Variants in NRK observed in about 807,000 individuals in gnomAD.
NRK encodes the protein Nik related kinase.
NRK carries 67 observed loss-of-function variants against 125.2 expected under a neutral mutation model. The ratio of observed to expected loss-of-function variants is 0.54; its 90% CI spans 0.44 to 0.66. The LOEUF (loss-of-function observed/expected upper bound fraction) is 0.66. Among genes scored for constraint, NRK ranks in the 30% least tolerant of loss-of-function variants. The pLI is 0.00. For synonymous variants in NRK, 458 were observed against 429.0 expected, an observed-to-expected ratio of 1.07 and a Z score of -0.84; for missense variants, 1,224 against 1,192.9, an observed-to-expected ratio of 1.03 and a Z score of -0.38.
chrX:105,871,113 T>C (rs1017008479), intron 2 of NRK, among the ~76,000 whole-genome samples: 4 of 111,356 alleles, frequency 3.6e-5, no homozygotes, highest in African/African-American at 1.3e-4. Context: ...TAGCCACAGG[T>C]TAGGGGAAGC....
At position 105,875,567 on chromosome X, in the gene NRK, C is replaced by A. The variant is rs1265948748; in HGVS notation, c.124-4632C>A. On this transcript the variant is annotated intron_variant, in intron 2 of 28. Transcript: ENST00000243300. Reference sequence around the variant, plus strand: ...CAGGACTTAATAAATAATTTTTATACCTTGTTGTAGGTTGTGGAGTACCCG... The same window carrying A: ...CAGGACTTAATAAATAATTTTTATAACTTGTTGTAGGTTGTGGAGTACCCG... 1.8e-5 allele frequency among the ~76,000 whole-genome samples: 2 copies of A among 110,872 alleles called. 1 individual carries two copies. Among genetic ancestry groups the A allele is most frequent in the Non-Finnish European group, 3.8e-5 (2 of 52,772 alleles).
intron 1 of NRK, among the ~76,000 whole-genome samples, chrX:105,829,815 G>A (rs1460793796): frequency 9.0e-6 from 1 of 111,357 alleles, no homozygotes; most frequent in Non-Finnish European, 1.9e-5. Context: ...TTAAAATGAT[G>A]CTCTTTTAAT....
intron 14 of NRK, among the ~76,000 whole-genome samples, chrX:105,914,962 A>G (rs2040347012): frequency 9.4e-6 from 1 of 106,480 alleles, no homozygotes; most frequent in Non-Finnish European, 1.9e-5. Flanking sequence ...TAGTGAGGCA[A>G]GGCAACATTC....
At chrX:105,916,594 A>C (rs1368664312) in intron 15 of NRK, among the ~76,000 whole-genome samples, 1 of 111,517 alleles carries the variant, frequency 9.0e-6, no homozygotes, top group Non-Finnish European at 1.9e-5. Flanking sequence ...ACTTTAAAAA[A>C]CCCATACAAT....
chrX:105,908,140 C>T, intron 11 of NRK, 100 bp from the exon 12 acceptor site: 1 of 479,494 alleles, frequency 2.1e-6, no homozygotes, highest in Non-Finnish European at 3.4e-6. Flanking sequence ...TTGTAATTCA[C>T]TCCACATCCT....
At chrX:105,828,783 A>G (rs1239480959) in intron 1 of NRK, among the ~76,000 whole-genome samples, 1 of 112,039 alleles carries the variant, frequency 8.9e-6, no homozygotes, top group Non-Finnish European at 1.9e-5. Context: ...TCAATGAGTT[A>G]TAACAAAAGT....
At chrX:105,849,532 C>T (rs1327806355) in intron 2 of NRK, among the ~76,000 whole-genome samples, 2 of 111,848 alleles carry the variant, frequency 1.8e-5, no homozygotes, top group East Asian at 5.7e-4. Flanking sequence ...TCCAAAATCT[C>T]ATCTGAGACA....
intron 2 of NRK, among the ~76,000 whole-genome samples, chrX:105,835,267 T>C (rs1201141828): frequency 9.0e-6 from 1 of 111,612 alleles, no homozygotes; most frequent in Non-Finnish European, 1.9e-5. Context: ...TTCAGATTCC[T>C]CTAATACCTT....
Position 105,953,159 on chromosome X carries a change from A to AC in NRK, c.4642dup (p.Arg1548ProfsTer3). ...AATTAAGAAGCTGAGATTCCTGTGC[A>AC]CCCGGGGTGACAAGGTATAGCTTAC... On this transcript the variant is annotated frameshift_variant, in exon 28 of 29. Transcript: ENST00000243300. LOFTEE classifies it high-confidence loss of function. 1.7e-6 allele frequency: 2 copies of AC among 1,187,460 alleles called. No individual in the cohort carries two copies. The highest frequency in any genetic ancestry group is 2.3e-6 in the Non-Finnish European group (2 of 880,156).
chrX:105,882,080 C>A (rs2039890603), intron 4 of NRK, among the ~76,000 whole-genome samples: 1 of 110,553 alleles, frequency 9.0e-6, no homozygotes, highest in African/African-American at 3.3e-5. Flanking sequence ...GGCTGAATAG[C>A]AACAAAAAAG....
At position 105,908,917 on chromosome X, in the gene NRK, C is replaced by G. The variant is rs55635933; in HGVS notation, c.1276C>G (p.Pro426Ala). The change falls in exon 13 of 29, where the codon CCT becomes GCT. Residue 426 changes from proline (P) to alanine (A), a missense_variant. Coordinates refer to ENST00000243300, the MANE Select transcript of NRK (RefSeq NM_198465.4). Reference sequence around the variant, plus strand: ...GCCACTGCAGGCTCTGGACAGTGCACCTAAGCCTCTAAAGGGGCAGGCTCA... The same window carrying G: ...GCCACTGCAGGCTCTGGACAGTGCAGCTAAGCCTCTAAAGGGGCAGGCTCA... The part of the protein sequence containing the change: ...FMPLQALDSA[P>A]KPLKGQAQAP... 57 of 1,209,105 alleles carry G rather than the reference C, an allele frequency of 4.7e-5. No homozygotes were observed. In the East Asian group the frequency reaches 1.6e-3, roughly 33 times the overall value.
intron 7 of NRK, among the ~76,000 whole-genome samples, chrX:105,895,897 A>G (rs1251008241): frequency 8.9e-6 from 1 of 112,236 alleles, no homozygotes; most frequent in East Asian, 2.8e-4. Context: ...AAAAATAAAA[A>G]AATTATTTCA....
chrX:105,856,997 C>A (rs1166251420), intron 2 of NRK, among the ~76,000 whole-genome samples: 1 of 110,918 alleles, frequency 9.0e-6, no homozygotes, highest in Non-Finnish European at 1.9e-5. Flanking sequence ...TAAGAGGTTC[C>A]TAGAACCTGT....
intron 14 of NRK, among the ~76,000 whole-genome samples, chrX:105,914,046 TGTAGATTGTTTTGAACAATCAA>T (rs1204485356): frequency 1.8e-5 from 2 of 110,565 alleles, no homozygotes; most frequent in African/African-American, 6.6e-5. Context: ...ACAATCTTTT[TGTAGATTGTTTTGAACAATCAA>T]GTAGATTAGG....
At chrX:105,845,852 G>T (rs2039394052) in intron 2 of NRK, among the ~76,000 whole-genome samples, 1 of 111,539 alleles carries the variant, frequency 9.0e-6, no homozygotes, top group South Asian at 3.8e-4. Context: ...TAGGAATGCG[G>T]CTTTGCTGGC....
intron 1 of NRK, among the ~76,000 whole-genome samples, chrX:105,830,314 C>CAAAAAAAAAAAAAAAA (rs71932033): frequency 1.8e-4 from 2 of 11,051 alleles, no homozygotes; most frequent in Admixed American, 2.2e-3. Flanking sequence ...AACTCCGTCG[C>CAAAAAAAAAAAAAAAA]AAAAAAAAAA....
chrX:105,940,897 C>T (rs1208003911), intron 23 of NRK, among the ~76,000 whole-genome samples: 1 of 111,838 alleles, frequency 8.9e-6, no homozygotes, highest in Non-Finnish European at 1.9e-5. Context: ...CATTATTGTT[C>T]TGCATATAAA....
At chrX:105,894,667 T>C (rs2040057973) in intron 6 of NRK, among the ~76,000 whole-genome samples, 1 of 112,038 alleles carries the variant, frequency 8.9e-6, no homozygotes, top group South Asian at 3.7e-4. Context: ...TTACTTAATA[T>C]TTCCAAGGCT....
At chrX:105,859,189 T>C (rs2147676528) in intron 2 of NRK, among the ~76,000 whole-genome samples, 1 of 111,887 alleles carries the variant, frequency 8.9e-6, no homozygotes, top group Admixed American at 9.5e-5. Flanking sequence ...GGATCATTGA[T>C]TGCATAAATA....
Sources: allele counts gnomAD v4.1 joint callset (sites outside exome capture counted in the v4.1 genomes callset), GRCh38; gene constraint gnomAD v4.1.1; transcripts MANE v1.5; gene names NCBI Gene and HGNC (gene_info 2026-07-23, HGNC 2026-07-21).